The following CLEC2A variants were observed in gnomAD, a reference collection of about 807,000 sequenced individuals.
CLEC2A encodes the protein C-type lectin domain family 2 member A, also known as keratinocyte-associated C-type lectin.
Under a neutral mutation model 18.6 loss-of-function variants are expected in CLEC2A, and 19 were observed. The observed-to-expected ratio is 1.02, with a 90% CI of 0.71 to 1.50. The LOEUF (loss-of-function observed/expected upper bound fraction) is 1.50. CLEC2A is among the 40% of genes most tolerant of loss of function. The pLI, the probability that CLEC2A is intolerant of heterozygous loss-of-function variation, is 0.00. For missense variants in CLEC2A, 190 were observed against 207.9 expected, an observed-to-expected ratio of 0.91 and a Z score of 0.53; for synonymous variants, 74 against 64.0, an observed-to-expected ratio of 1.16 and a Z score of -0.75.
intron 2 of CLEC2A, among the ~76,000 whole-genome samples, chr12:9,922,520 T>C (rs1863191138): frequency 6.6e-6 from 1 of 152,214 alleles, no homozygotes; most frequent in South Asian, 2.1e-4. Flanking sequence ...GCATAAAATG[T>C]AGCTATAAAT....
chr12:9,932,306 A>T lies in CLEC2A; in HGVS notation c.24T>A (p.Asp8Glu). MINPELR[D>E]GRADGFIHRI... ...GATGTATGAAGCCATCAGCTCTGCC[A>T]TCCCGCAGCTCTGGATTAATCATGG... The change falls in exon 1 of 5, where the codon GAT becomes GAA. Residue 8 changes from aspartate to glutamate, a missense_variant. Physicochemically the swap from Asp to Glu is conservative, Grantham distance 45. Coordinates refer to ENST00000455827, the MANE Select transcript of CLEC2A (RefSeq NM_001130711.2). 2 of 1,552,006 alleles carry T rather than the reference A, an allele frequency of 1.3e-6. No individual in the cohort carries two copies. Among genetic ancestry groups the T allele is most frequent in the Non-Finnish European group, 1.7e-6 (2 of 1,146,992 alleles).
downstream of CLEC2A, chr12:9,898,574 T>C (rs1862783754): frequency 4.6e-6 from 1 of 217,416 alleles, no homozygotes; most frequent in African/African-American, 2.3e-5. Context: ...CAGCAGGACC[T>C]AGACCAAACC....
the CLEC2A span, among the ~76,000 whole-genome samples, chr12:9,888,096 GAA>G: frequency 9.9e-6 from 1 of 101,278 alleles, no homozygotes; most frequent in Non-Finnish European, 2.1e-5. Flanking sequence ...TAATAAAAAT[GAA>G]AAAAAAAAAG....
At chr12:9,893,790 G>C (rs1862718346), downstream of CLEC2A, among the ~76,000 whole-genome samples, 1 of 151,454 alleles carries the variant, frequency 6.6e-6, no homozygotes, top group Non-Finnish European at 1.5e-5. Context: ...TTGTCACCTG[G>C]CAGTTTAATT....
At chr12:9,879,809 G>A in the CLEC2A span, among the ~76,000 whole-genome samples, 1 of 152,272 alleles carries the variant, frequency 6.6e-6, no homozygotes, top group South Asian at 2.1e-4. Context: ...TGAACCCTAT[G>A]TTTAGAAGTG....
downstream of CLEC2A, among the ~76,000 whole-genome samples, chr12:9,895,347 A>C (rs1862744921): frequency 6.6e-6 from 1 of 152,222 alleles, no homozygotes; most frequent in Admixed American, 6.5e-5. Flanking sequence ...AGGGAGAGAT[A>C]ATGGTAGCTT....
chr12:9,893,896 A>T (rs1862719357), downstream of CLEC2A, among the ~76,000 whole-genome samples: 1 of 152,202 alleles, frequency 6.6e-6, no homozygotes, highest in Non-Finnish European at 1.5e-5. Flanking sequence ...AAAAGCAAAG[A>T]CAAAATTCAC....
intron 3 of CLEC2A, among the ~76,000 whole-genome samples, chr12:9,918,242 T>G (rs746582725): frequency 6.6e-6 from 1 of 152,228 alleles, no homozygotes; most frequent in Non-Finnish European, 1.5e-5. Flanking sequence ...GTTTTACATT[T>G]AGGTCTTTAA....
At chr12:9,897,552 G>A (rs1397508583), downstream of CLEC2A, among the ~76,000 whole-genome samples, 4 of 149,382 alleles carry the variant, frequency 2.7e-5, no homozygotes, top group South Asian at 4.2e-4. Flanking sequence ...AAAAGAAAAC[G>A]CTCAGTATAA....
At chr12:9,909,416 C>T (rs1565529036), downstream of CLEC2A, among the ~76,000 whole-genome samples, 1 of 152,140 alleles carries the variant, frequency 6.6e-6, no homozygotes, top group Non-Finnish European at 1.5e-5. Flanking sequence ...AGGATCATGC[C>T]CCTTTCTCTC....
the CLEC2A span, chr12:9,885,140 A>AT: frequency 2.8e-6 from 1 of 361,596 alleles, no homozygotes. Context: ...AAACTGGCAT[A>AT]TGTCATATTA....
the CLEC2A span, chr12:9,884,799 T>G: frequency 2.6e-6 from 1 of 378,490 alleles, no homozygotes; most frequent in Non-Finnish European, 4.7e-6. Context: ...AGACTTTTTA[T>G]TTTTAGATTT....
intron 4 of CLEC2A, among the ~76,000 whole-genome samples, chr12:9,907,808 A>G (rs544830128): frequency 7.9e-5 from 12 of 152,344 alleles, no homozygotes; most frequent in African/African-American, 2.9e-4. Context: ...CAGAATAAGG[A>G]TCTTCCCATT....
chr12:9,928,208 G>T (rs2984954), intron 1 of CLEC2A, among the ~76,000 whole-genome samples: 2 of 152,184 alleles, frequency 1.3e-5, no homozygotes, highest in Non-Finnish European at 2.9e-5. Context: ...GCTCATGCCT[G>T]TAATCCCAGC....
At chr12:9,879,182 A>T in the CLEC2A span, among the ~76,000 whole-genome samples, 2 of 152,200 alleles carry the variant, frequency 1.3e-5, no homozygotes, top group Admixed American at 1.3e-4. Context: ...AAACAAACAA[A>T]AAAGGATATT....
At chr12:9,931,609 G>A (rs1274548618) in intron 1 of CLEC2A, among the ~76,000 whole-genome samples, 1 of 152,018 alleles carries the variant, frequency 6.6e-6, no homozygotes, top group African/African-American at 2.4e-5. Flanking sequence ...AATTGCCCTG[G>A]GAATTCATAT....
chr12:9,926,825 T>C (rs992854048), intron 1 of CLEC2A, among the ~76,000 whole-genome samples: 1 of 152,196 alleles, frequency 6.6e-6, no homozygotes, highest in Non-Finnish European at 1.5e-5. Flanking sequence ...AAATAAACAA[T>C]GTGTTTCAGC....
chr12:9,900,484 T>A (rs1300635317), intron 4 of CLEC2A, among the ~76,000 whole-genome samples: 1 of 152,220 alleles, frequency 6.6e-6, no homozygotes, highest in African/African-American at 2.4e-5. Context: ...ATGCTTGGCC[T>A]GATTGTTTGC....
chr12:9,905,883 G>A (rs1862899476), intron 4 of CLEC2A, among the ~76,000 whole-genome samples: 1 of 152,134 alleles, frequency 6.6e-6, no homozygotes. Flanking sequence ...CGGTAAATGA[G>A]GTGATCCACT....
Sources: allele counts gnomAD v4.1 joint callset (sites outside exome capture counted in the v4.1 genomes callset), GRCh38; gene constraint gnomAD v4.1.1; transcripts MANE v1.5; gene names NCBI Gene and HGNC (gene_info 2026-07-23, HGNC 2026-07-21).